GABRA3: variants seen among roughly 807,000 people sequenced by gnomAD.
GABRA3 encodes the protein gamma-aminobutyric acid type A receptor subunit alpha3.
A neutral mutation model predicts 30.1 loss-of-function variants in GABRA3; 10 were observed. The ratio of observed to expected loss-of-function variants is 0.33; its 90% CI spans 0.20 to 0.56. GABRA3 has a LOEUF of 0.56. GABRA3 is among the 20% of genes least tolerant of loss of function. The pLI is 0.89. For synonymous variants in GABRA3, 151 were observed against 146.8 expected (o/e 1.03, Z -0.21); for missense variants, 233 against 392.0 (o/e 0.59, Z 3.42).
intron 1 of GABRA3, among the ~76,000 whole-genome samples, chrX:152,370,512 A>G (rs1928807406): frequency 8.9e-6 from 1 of 112,378 alleles, no homozygotes; most frequent in African/African-American, 3.2e-5. Context: ...TATACCACAT[A>G]GAAATTTGAA....
intron 1 of GABRA3, among the ~76,000 whole-genome samples, chrX:152,401,573 C>A (rs1031184112): frequency 9.0e-6 from 1 of 111,374 alleles, no homozygotes; most frequent in African/African-American, 3.3e-5. Flanking sequence ...AAAGAAGGGA[C>A]TGAACTGAAA....
chrX:152,409,105 T>G (rs1930005763), intron 1 of GABRA3, among the ~76,000 whole-genome samples: 1 of 111,635 alleles, frequency 9.0e-6, no homozygotes, highest in Admixed American at 9.5e-5. Flanking sequence ...GTAATTCAAG[T>G]GCTTTGGGAA....
intron 7 of GABRA3, among the ~76,000 whole-genome samples, chrX:152,199,537 C>T (rs1174096264): frequency 9.0e-6 from 1 of 110,674 alleles, no homozygotes; most frequent in Non-Finnish European, 1.9e-5. Flanking sequence ...TGATTTGAGA[C>T]TTCTAGCCTT....
intron 4 of GABRA3, among the ~76,000 whole-genome samples, chrX:152,268,785 G>C (rs773409703): frequency 5.4e-5 from 6 of 111,429 alleles, no homozygotes; most frequent in Non-Finnish European, 9.4e-5. Context: ...GCCCAGGCTG[G>C]TCTTGAACTC....
At chrX:152,170,093 C>T (rs1025730307) in intron 9 of GABRA3, among the ~76,000 whole-genome samples, 1 of 112,268 alleles carries the variant, frequency 8.9e-6, no homozygotes, top group Non-Finnish European at 1.9e-5. Context: ...CTTCCAGGAG[C>T]TCACACTCGG....
chrX:152,233,919 C>G (rs1938142172), intron 5 of GABRA3, among the ~76,000 whole-genome samples: 1 of 106,457 alleles, frequency 9.4e-6, no homozygotes, highest in Admixed American at 1.0e-4. Flanking sequence ...AATTGGAAAT[C>G]ATCATTCTCA....
chrX:152,438,134 G>A (rs143812158), intron 1 of GABRA3, among the ~76,000 whole-genome samples: 4 of 111,722 alleles, frequency 3.6e-5, no homozygotes, highest in African/African-American at 6.5e-5. Context: ...AAACAGCCCC[G>A]TTAAAAATGA....
intron 1 of GABRA3, among the ~76,000 whole-genome samples, chrX:152,432,095 A>G (rs1244575803): frequency 8.9e-6 from 1 of 111,950 alleles, no homozygotes; most frequent in East Asian, 2.8e-4. Flanking sequence ...ATTAAATCGA[A>G]GTTATACTGA....
chrX:152,289,821 C>T (rs973267932), intron 3 of GABRA3, among the ~76,000 whole-genome samples: 1 of 111,444 alleles, frequency 9.0e-6, no homozygotes, highest in Non-Finnish European at 1.9e-5. Flanking sequence ...CCAGCTGCAT[C>T]CATGTCCCTG....
At chrX:152,402,838 A>G (rs1929828109) in intron 1 of GABRA3, among the ~76,000 whole-genome samples, 1 of 112,253 alleles carries the variant, frequency 8.9e-6, no homozygotes, top group Non-Finnish European at 1.9e-5. Context: ...ACTAACATTT[A>G]CCATAAAACA....
At chrX:152,446,980 C>G (rs1217515976) in intron 1 of GABRA3, among the ~76,000 whole-genome samples, 1 of 111,934 alleles carries the variant, frequency 8.9e-6, no homozygotes. Flanking sequence ...ATTCTGCACA[C>G]TCAAAGTTTG....
chrX:152,193,946 G>T (rs914908332), intron 8 of GABRA3, among the ~76,000 whole-genome samples: 1 of 111,700 alleles, frequency 9.0e-6, no homozygotes, highest in African/African-American at 3.3e-5. Flanking sequence ...GCAATGAGCC[G>T]AGATAGCACC....
At chrX:152,438,507 C>G (rs1930834111) in intron 1 of GABRA3, among the ~76,000 whole-genome samples, 1 of 112,338 alleles carries the variant, frequency 8.9e-6, no homozygotes, top group Non-Finnish European at 1.9e-5. Context: ...AACCTGCTTA[C>G]AAACACTTAT....
Position 152,362,562 on chromosome X carries a change from T to C in GABRA3, c.140+1869A>G, listed in dbSNP as rs762731726. On this transcript the variant is annotated intron_variant, in intron 2 of 9. Coordinates refer to ENST00000370314, the MANE Select transcript of GABRA3 (RefSeq NM_000808.4). ...TAAATAGGGTAGGTATGGTCAAACA[T>C]GCATTACAGAAAAAAATAGTTACAG... Among the ~76,000 whole-genome samples, 11 of 111,523 alleles carry C rather than the reference T, an allele frequency of 9.9e-5. No individual in the cohort carries two copies. In the South Asian group the frequency reaches 2.2e-3, roughly 23 times the overall value.
In GABRA3 at chrX:152,347,678, T is replaced by G. The variant is rs184803838; in HGVS notation, c.141-1976A>C. 2.7e-3 allele frequency among the ~76,000 whole-genome samples: 305 copies of G among 112,075 alleles called. 2 individuals carry two copies. The highest frequency in any genetic ancestry group is 9.3e-3 in the African/African-American group (287 of 30,930). Reference sequence around the variant, plus strand: ...GAATAGAAGGCCAATACACTGTGCTTGCTTTCTTACTGAAATACTAGCTTC... The same window carrying G: ...GAATAGAAGGCCAATACACTGTGCTGGCTTTCTTACTGAAATACTAGCTTC... On this transcript the variant is annotated intron_variant, in intron 2 of 9. Coordinates refer to ENST00000370314, the MANE Select transcript of GABRA3 (RefSeq NM_000808.4).
In GABRA3 at chrX:152,247,576, G is replaced by A. The variant is rs564702517; in HGVS notation, c.551+8202C>T. On this transcript the variant is annotated intron_variant, in intron 5 of 9. Coordinates refer to ENST00000370314, the MANE Select transcript of GABRA3 (RefSeq NM_000808.4). ...TCAGTTTACTAAGTGTAAAAATAGG[G>A]ATGTTAACAATAAAAATGAAAACAC... Among the ~76,000 whole-genome samples, 4 of 111,661 alleles carry A rather than the reference G, an allele frequency of 3.6e-5. No individual in the cohort carries two copies. The South Asian group carries it at 1.5e-3, about 42-fold the overall frequency.
In GABRA3 at chrX:152,226,322, T is replaced by A. The variant is rs184322913; in HGVS notation, c.552-1477A>T. ...ATGAAGGCATAGAAGGTTCAATGTA[T>A]AATTGTTATCATTATGATGATCATT... On this transcript the variant is annotated intron_variant, in intron 5 of 9. Coordinates refer to ENST00000370314, the MANE Select transcript of GABRA3 (RefSeq NM_000808.4). 1.9e-3 allele frequency among the ~76,000 whole-genome samples: 208 copies of A among 112,098 alleles called. 1 individual carries two copies. The highest frequency in any genetic ancestry group is 6.5e-3 in the African/African-American group (200 of 30,926).
chrX:152,361,286 A>T (rs1354433486), intron 2 of GABRA3, among the ~76,000 whole-genome samples: 1 of 109,933 alleles, frequency 9.1e-6, no homozygotes, highest in African/African-American at 3.3e-5. Context: ...TGTAAAGAGG[A>T]CACGGGACAT....
At chrX:152,244,679 C>T (rs1938434241) in intron 5 of GABRA3, among the ~76,000 whole-genome samples, 1 of 111,687 alleles carries the variant, frequency 9.0e-6, no homozygotes, top group Admixed American at 9.6e-5. Flanking sequence ...AGTGACACTT[C>T]TGGAAAGTGA....
Sources: gnomAD v4.1 joint callset for allele counts (sites outside exome capture counted in the v4.1 genomes callset) on GRCh38, gnomAD v4.1.1 for gene constraint, MANE v1.5 for transcripts, NCBI Gene and HGNC (gene_info 2026-07-23, HGNC 2026-07-21) for gene names.